The following ARPP19 variants were observed in gnomAD, a reference collection of about 807,000 sequenced individuals.
ARPP19 encodes cAMP-regulated phosphoprotein 19.
A neutral mutation model predicts 12.0 loss-of-function variants in ARPP19; 8 were observed. The ratio of observed to expected loss-of-function variants is 0.67; its 90% CI spans 0.39 to 1.21. The LOEUF is 1.21. ARPP19 is among the 50% of genes most tolerant of loss of function. ARPP19 has a pLI of 0.01. For synonymous variants in ARPP19, 47 were observed against 50.4 expected, an observed-to-expected ratio of 0.93 and a Z score of 0.29; for missense variants, 102 against 136.3, an observed-to-expected ratio of 0.75 and a Z score of 1.25.
intron 1 of ARPP19, among the ~76,000 whole-genome samples, chr15:52,558,377 A>T (rs925469783): frequency 6.6e-6 from 1 of 151,842 alleles, no homozygotes; most frequent in Non-Finnish European, 1.5e-5. Context: ...TTAAGCATGG[A>T]AGGTTGAGGC....
At position 52,547,916 on chromosome 15, in the gene ARPP19, G is replaced by A. The variant is rs1160195257; in HGVS notation, c.*4018C>T. ...GGGCTTAAGAAATAAGCAGGGATGG[G>A]GGATAGAGAGGCAAAATGAGGTGAA... is the stretch of plus-strand genomic sequence containing the variant. On this transcript the variant is annotated 3_prime_UTR_variant, in exon 3 of 3. Coordinates refer to ENST00000249822, the MANE Select transcript of ARPP19 (RefSeq NM_006628.6). The A allele has an allele frequency of 6.6e-6, 1 of 152,238 alleles. No homozygotes were observed. The highest frequency in any genetic ancestry group is 1.5e-5 in the Non-Finnish European group (1 of 68,044). The allele number at this position is 152,238 out of a possible 1,614,324, so 9.4% of individuals were successfully genotyped here.
At chr15:52,560,745 G>C (rs2140243740) in intron 1 of ARPP19, among the ~76,000 whole-genome samples, 1 of 152,358 alleles carries the variant, frequency 6.6e-6, no homozygotes, top group Non-Finnish European at 1.5e-5. Context: ...TCTGTCAACG[G>C]CATCTATGCC....
In ARPP19 at chr15:52,547,941, A is replaced by G. The variant is rs1202049197; in HGVS notation, c.*3993T>C. On this transcript the variant is annotated 3_prime_UTR_variant, in exon 3 of 3. Coordinates refer to ENST00000249822, the MANE Select transcript of ARPP19 (RefSeq NM_006628.6). ...GGGATAGAGAGGCAAAATGAGGTGA[A>G]AGAGAAAATGGAAAGTGGAAAATAT... The G allele has an allele frequency of 1.3e-5, 2 of 152,236 alleles. No individual in the cohort carries two copies. The highest frequency in any genetic ancestry group is 2.9e-5 in the Non-Finnish European group (2 of 68,052). The allele number at this position is 152,236 out of a possible 1,614,324, so 9.4% of individuals were successfully genotyped here. A position where few individuals can be genotyped will look rare whatever the true frequency, so the allele number is the denominator to read the frequency against.
intron 2 of ARPP19, among the ~76,000 whole-genome samples, chr15:52,555,565 ATTATAG>A (rs1280810067): frequency 3.3e-5 from 5 of 152,020 alleles, no homozygotes; most frequent in African/African-American, 1.2e-4. Context: ...GCTGCTACTA[ATTATAG>A]TTATAAGCTA....
intron 1 of ARPP19, 57 bp downstream of exon 1, chr15:52,568,791 G>C: frequency 7.3e-7 from 1 of 1,362,836 alleles, no homozygotes. Flanking sequence ...GCGGGAGCAG[G>C]CCGCCCGCCA....
intron 1 of ARPP19, among the ~76,000 whole-genome samples, chr15:52,561,822 A>C (rs768507198): frequency 2.6e-5 from 4 of 151,928 alleles, no homozygotes; most frequent in African/African-American, 4.8e-5. Flanking sequence ...CACATTTAAA[A>C]AAATCTAAAA....
chr15:52,553,110 G>C (rs961548087), intron 2 of ARPP19, among the ~76,000 whole-genome samples: 9 of 152,026 alleles, frequency 5.9e-5, no homozygotes, highest in Non-Finnish European at 1.3e-4. Context: ...CATAATTATA[G>C]TTATTAAAAC....
At chr15:52,555,784 T>C (rs1360828739) in intron 2 of ARPP19, among the ~76,000 whole-genome samples, 2 of 152,018 alleles carry the variant, frequency 1.3e-5, no homozygotes, top group African/African-American at 2.4e-5. Flanking sequence ...ATAGGTATTA[T>C]TTTAAACATT....
At chr15:52,557,401 G>T (rs1161025108) in intron 1 of ARPP19, 179 bp from the exon 2 acceptor site, 8 of 569,912 alleles carry the variant, frequency 1.4e-5, no homozygotes, top group Admixed American at 3.1e-5. Flanking sequence ...AAAGATCCAT[G>T]TGATAGCTCT....
rs901468136 is a variant in ARPP19, at chr15:52,547,958, G to A, written c.*3976C>T. The stretch of plus-strand genomic sequence containing the variant: ...TGAGGTGAAAGAGAAAATGGAAAGT[G>A]GAAAATATGTTTGAACATTGGAGAA... On this transcript the variant is annotated 3_prime_UTR_variant, in exon 3 of 3. Transcript: ENST00000249822. 2 of 152,104 alleles carry A rather than the reference G, an allele frequency of 1.3e-5. No homozygotes were observed. The allele number at this position is 152,104 out of a possible 1,614,324, so 9.4% of individuals were successfully genotyped here.
chr15:52,554,645 A>C (rs2077965317), intron 2 of ARPP19, among the ~76,000 whole-genome samples: 1 of 152,174 alleles, frequency 6.6e-6, no homozygotes, highest in African/African-American at 2.4e-5. Context: ...ACTGACACTA[A>C]GTGATCACCT....
At chr15:52,555,221 T>C (rs898913838) in intron 2 of ARPP19, among the ~76,000 whole-genome samples, 13 of 152,040 alleles carry the variant, frequency 8.6e-5, no homozygotes, top group Non-Finnish European at 1.9e-4. Flanking sequence ...CAAGATACAA[T>C]GTATATGAAA....
intron 2 of ARPP19, 123 bp downstream of exon 2, chr15:52,556,977 A>G: frequency 9.8e-7 from 1 of 1,025,000 alleles, no homozygotes; most frequent in Non-Finnish European, 1.4e-6. Flanking sequence ...TTACAGATAC[A>G]TATACACATA....
intron 2 of ARPP19, among the ~76,000 whole-genome samples, chr15:52,554,152 A>C (rs1346453871): frequency 6.6e-6 from 1 of 152,166 alleles, no homozygotes; most frequent in African/African-American, 2.4e-5. Flanking sequence ...AATTTAACAC[A>C]CATGTAAATT....
At chr15:52,555,652 T>C (rs1430908841) in intron 2 of ARPP19, among the ~76,000 whole-genome samples, 1 of 152,014 alleles carries the variant, frequency 6.6e-6, no homozygotes, top group African/African-American at 2.4e-5. Flanking sequence ...AAATAAGAGA[T>C]TATTGATTTG....
At chr15:52,557,311 T>C in intron 1 of ARPP19, 89 bp from the exon 2 acceptor site, 1 of 1,074,416 alleles carries the variant, frequency 9.3e-7, no homozygotes, top group South Asian at 1.6e-5. Context: ...TGAATTCTAG[T>C]TGTTAAATGC....
intron 2 of ARPP19, 25 bp from the exon 3 acceptor site, chr15:52,552,129 C>T (rs896227826): frequency 1.3e-5 from 18 of 1,436,788 alleles, no homozygotes; most frequent in Non-Finnish European, 1.7e-5. Context: ...AAAAAAAATT[C>T]AGATTAGAGC....
intron 1 of ARPP19, chr15:52,557,727 TA>T (rs1281202479): frequency 6.6e-6 from 1 of 151,818 alleles, no homozygotes; most frequent in African/African-American, 2.4e-5. Context: ...TGTTTTTTTA[TA>T]ATAAATTTTT....
At chr15:52,562,753 A>T (rs1187560873) in intron 1 of ARPP19, among the ~76,000 whole-genome samples, 2 of 152,180 alleles carry the variant, frequency 1.3e-5, no homozygotes, top group Admixed American at 1.3e-4. Context: ...CAATTTAAGA[A>T]GTTAGACAAA....
Sources: gnomAD v4.1 joint callset for allele counts (sites outside exome capture counted in the v4.1 genomes callset) on GRCh38, gnomAD v4.1.1 for gene constraint, MANE v1.5 for transcripts, NCBI Gene and HGNC (gene_info 2026-07-23, HGNC 2026-07-21) for gene names.